SLC25A21: variants seen among roughly 807,000 people sequenced by gnomAD.
SLC25A21 encodes the protein solute carrier family 25 member 21.
In SLC25A21, 47 loss-of-function variants were observed where a neutral mutation model predicts 43.8. The ratio of observed to expected loss-of-function variants is 1.07; its 90% CI spans 0.85 to 1.37. SLC25A21 has a LOEUF of 1.37. Ranked by LOEUF, SLC25A21 falls within the 40% of genes most tolerant of loss-of-function variation. The probability of loss-of-function intolerance (pLI) is 0.00; values close to 1 mark genes in which losing one functional copy is unlikely to be tolerated. For missense variants in SLC25A21, 352 were observed against 350.2 expected (o/e 1.00, Z -0.04); for synonymous variants, 131 against 121.3 (o/e 1.08, Z -0.52).
chr14:36,949,975 C>T (rs1308811273), intron 1 of SLC25A21, among the ~76,000 whole-genome samples: 1 of 152,122 alleles, frequency 6.6e-6, no homozygotes, highest in East Asian at 1.9e-4. Context: ...TTCCAAAGTA[C>T]ATATCAGAGA....
At chr14:36,893,490 G>T (rs1891144585) in intron 1 of SLC25A21, among the ~76,000 whole-genome samples, 2 of 152,118 alleles carry the variant, frequency 1.3e-5, no homozygotes, top group Non-Finnish European at 2.9e-5. Context: ...CCATTCTGTA[G>T]GTTGCCTGTT....
intron 3 of SLC25A21, among the ~76,000 whole-genome samples, chr14:36,813,212 C>T (rs1888332930): frequency 1.3e-5 from 2 of 152,140 alleles, no homozygotes; most frequent in Admixed American, 1.3e-4. Context: ...TATCCCTCCC[C>T]TAGCCCCTCG....
At chr14:37,097,078 C>CT (rs1449154236) in intron 1 of SLC25A21, 1 of 142,962 alleles carries the variant, frequency 7.0e-6, no homozygotes, top group East Asian at 2.1e-4. Context: ...TACGAAAGTG[C>CT]TTTTTTTATT....
intron 1 of SLC25A21, among the ~76,000 whole-genome samples, chr14:36,913,721 T>C (rs1020717616): frequency 6.6e-6 from 1 of 152,236 alleles, no homozygotes; most frequent in African/African-American, 2.4e-5. Flanking sequence ...CTTTTATAAA[T>C]CATTTAATTG....
chr14:37,090,295 G>A (rs1962560720), intron 1 of SLC25A21, among the ~76,000 whole-genome samples: 1 of 152,230 alleles, frequency 6.6e-6, no homozygotes, highest in African/African-American at 2.4e-5. Flanking sequence ...CATACTTGCT[G>A]CTGGCAACAC....
intron 1 of SLC25A21, among the ~76,000 whole-genome samples, chr14:37,010,030 A>C (rs72667372): frequency 0.13 from 19,487 of 152,246 alleles, 1,524 homozygotes; most frequent in African/African-American, 0.22. Flanking sequence ...TCTGCTTCAA[A>C]TTATACTGTG....
chr14:37,148,152 G>A (rs1342121672), intron 1 of SLC25A21, among the ~76,000 whole-genome samples: 1 of 151,768 alleles, frequency 6.6e-6, no homozygotes, highest in Admixed American at 6.6e-5. Flanking sequence ...TTTTCCTTAT[G>A]TATTTTGCTT....
intron 5 of SLC25A21, among the ~76,000 whole-genome samples, chr14:36,726,696 G>A (rs1179885595): frequency 1.3e-5 from 2 of 152,110 alleles, no homozygotes; most frequent in African/African-American, 4.8e-5. Context: ...ATTAAAACAT[G>A]CACACACAAG....
At chr14:36,734,660 C>T in intron 3 of SLC25A21, 87 bp from the exon 4 acceptor site, 1 of 1,001,154 alleles carries the variant, frequency 1.0e-6, no homozygotes, top group Non-Finnish European at 1.5e-6. Context: ...TAAAGTATTC[C>T]CGATTATTCA....
chr14:36,815,008 C>T (rs944334025), intron 2 of SLC25A21, among the ~76,000 whole-genome samples: 2 of 152,288 alleles, frequency 1.3e-5, no homozygotes, highest in East Asian at 1.9e-4. Flanking sequence ...AATGAGTTCA[C>T]GTCCTTTGCA....
chr14:37,132,279 G>C (rs1043177417), intron 1 of SLC25A21, among the ~76,000 whole-genome samples: 2 of 152,068 alleles, frequency 1.3e-5, no homozygotes, highest in African/African-American at 2.4e-5. Flanking sequence ...GGAACTCTGG[G>C]GGGACACATT....
intron 3 of SLC25A21, among the ~76,000 whole-genome samples, chr14:36,764,168 G>GAAAGA (rs1886300977): frequency 2.8e-5 from 2 of 71,964 alleles, no homozygotes; most frequent in Admixed American, 1.7e-4. Flanking sequence ...AAGAAAGAAA[G>GAAAGA]AAAGAAAGAA....
chr14:37,125,267 G>A (rs1365435404), intron 1 of SLC25A21, among the ~76,000 whole-genome samples: 1 of 152,192 alleles, frequency 6.6e-6, no homozygotes, highest in East Asian at 1.9e-4. Context: ...ATCTGCAAAT[G>A]AGTAAATATT....
rs150439444 is a variant in SLC25A21 at position 36,901,815 on chromosome 14, C to T, written c.71-26811G>A. ...TTTAGATTTTCTATAATTTAAATAA[C>T]AGTAAACTATTTTTTAAAACTTCCT... On this transcript the variant is annotated intron_variant, in intron 1 of 9. Coordinates refer to ENST00000331299, the MANE Select transcript of SLC25A21 (RefSeq NM_030631.4). 3.2e-3 allele frequency among the ~76,000 whole-genome samples: 488 copies of T among 152,204 alleles called. 4 individuals carry two copies. Among genetic ancestry groups the T allele is most frequent in the African/African-American group, 0.011 (458 of 41,550 alleles).
At chr14:36,913,992 T>C (rs1891761657) in intron 1 of SLC25A21, among the ~76,000 whole-genome samples, 1 of 152,340 alleles carries the variant, frequency 6.6e-6, no homozygotes, top group African/African-American at 2.4e-5. Context: ...ATAAGTCATA[T>C]AACATCGAAC....
chr14:37,097,888 A>G (rs1962731889), intron 1 of SLC25A21: 1 of 46,872 alleles, frequency 2.1e-5, no homozygotes, highest in African/African-American at 3.4e-5. Context: ...CATCTCAAAA[A>G]AAAAAAATAA....
chr14:36,998,872 G>A (rs1960428421), intron 1 of SLC25A21, among the ~76,000 whole-genome samples: 1 of 152,010 alleles, frequency 6.6e-6, no homozygotes, highest in South Asian at 2.1e-4. Flanking sequence ...CATCTATTAG[G>A]ATGGCCAAAA....
rs369907176 is a variant in SLC25A21 at position 36,709,977 on chromosome 14, T to C, written c.603+1341A>G. On this transcript the variant is annotated intron_variant, in intron 7 of 9. Transcript: ENST00000331299. The stretch of plus-strand genomic sequence containing the variant: ...TTGATGGTAGGGAAAAATTCTGTGA[T>C]ACTATGGCTTAAAAGCACATCCTGT... 5.9e-5 allele frequency among the ~76,000 whole-genome samples: 9 copies of C among 152,182 alleles called. No homozygotes were observed. The East Asian group carries it at 1.5e-3, about 26-fold the overall frequency.
At chr14:37,089,574 C>A (rs185863784) in intron 1 of SLC25A21, among the ~76,000 whole-genome samples, 3 of 152,266 alleles carry the variant, frequency 2.0e-5, no homozygotes, top group Non-Finnish European at 2.9e-5. Context: ...AGGCACTGAG[C>A]CCATCCCCAA....
Sources: allele counts gnomAD v4.1 joint callset (sites outside exome capture counted in the v4.1 genomes callset), GRCh38; gene constraint gnomAD v4.1.1; transcripts MANE v1.5; gene names NCBI Gene and HGNC (gene_info 2026-07-23, HGNC 2026-07-21).